Variants in PGLYRP4 observed in about 807,000 individuals in gnomAD.
PGLYRP4 encodes the protein PGRP-I-beta.
In PGLYRP4, 39 loss-of-function variants were observed where a neutral mutation model predicts 41.2. The ratio of observed to expected loss-of-function variants is 0.95; its 90% confidence interval spans 0.73 to 1.24. The LOEUF (loss-of-function observed/expected upper bound fraction) is 1.24, where lower values mean the gene tolerates loss of function less well. Among genes scored for constraint, PGLYRP4 ranks in the 50% most tolerant of loss-of-function variants. PGLYRP4 has a pLI of 0.00. For missense variants in PGLYRP4, 467 were observed against 460.7 expected, an observed-to-expected ratio of 1.01 and a Z score of -0.13; for synonymous variants, 202 against 186.8, an observed-to-expected ratio of 1.08 and a Z score of -0.66.
At position 153,330,878 on chromosome 1, in the gene PGLYRP4, C is replaced by T; in HGVS notation, c.1011G>A (p.Gly337=). The change falls in exon 9 of 9, where the codon GGG becomes GGA. Residue 337 remains glycine, a synonymous_variant. Transcript: ENST00000359650. ...QDLIQCAMVK[G]YLTPNYLLVG... ...CCAGCAGGTAGTTGGGAGTCAGGTA[C>T]CCTTTGACCATGGCACACTGGATCA... 1.2e-6 allele frequency: 2 copies of T among 1,614,062 alleles called. No homozygotes were observed. The highest frequency in any genetic ancestry group is 8.5e-7 in the Non-Finnish European group (1 of 1,179,960).
At chr1:153,332,976 A>G (rs568638053) in intron 8 of PGLYRP4, among the ~76,000 whole-genome samples, 2 of 152,226 alleles carry the variant, frequency 1.3e-5, no homozygotes, top group Admixed American at 1.3e-4. Flanking sequence ...AAGAAAATAG[A>G]AAATCTAGAA....
At chr1:153,344,140 A>G (rs1470860176) in intron 4 of PGLYRP4, among the ~76,000 whole-genome samples, 2 of 151,594 alleles carry the variant, frequency 1.3e-5, no homozygotes, top group Non-Finnish European at 2.9e-5. Context: ...AACCTTAAAA[A>G]CTCTTAGTCT....
chr1:153,340,439 C>T lies in PGLYRP4; in HGVS notation c.766G>A (p.Val256Ile). Residue 256 changes from valine to isoleucine, a missense_variant, in exon 7 of 9, where the codon GTC becomes ATC. Physicochemically the swap from Val to Ile is conservative, Grantham distance 29. Transcript: ENST00000359650. ...ATGTAGAAAGACTGGATGTCCCGGA[C>T]CAGCAGGCGGCACTCATCAGAAATG... ...CNISDECRLL[V>I]RDIQSFYIDR... The T allele has an allele frequency of 6.2e-7, 1 of 1,614,200 alleles. No homozygotes were observed. Among genetic ancestry groups the T allele is most frequent in the East Asian group, 2.2e-5 (1 of 44,886 alleles).
At position 153,341,561 on chromosome 1, in the gene PGLYRP4, T is replaced by C. The variant is rs1042530753; in HGVS notation, c.625+66A>G. 30 of 1,402,886 alleles carry C rather than the reference T, an allele frequency of 2.1e-5. No homozygotes were observed. The South Asian group carries it at 2.7e-4, about 13-fold the overall frequency. 86.9% of individuals were successfully genotyped at this position (1,402,886 alleles called of 1,614,324 possible). On this transcript the variant is annotated intron_variant, in intron 6 of 8. Transcript: ENST00000359650. ...GCCCTACTGAAAAGGTCACTCCCAA[T>C]GGTATTTGCGAGTTAGTTGGGGTGA...
At position 153,340,368 on chromosome 1, in the gene PGLYRP4, C is replaced by T; in HGVS notation, c.824+13G>A. On this transcript the variant is annotated intron_variant, in intron 7 of 8. Coordinates refer to ENST00000359650, the MANE Select transcript of PGLYRP4 (RefSeq NM_020393.4). Reference sequence around the variant, plus strand: ...CAAGGGAAAAGAAGCCCAGTGTACCCAGACCCACTCACTTATAACCAATGT... The same window carrying T: ...CAAGGGAAAAGAAGCCCAGTGTACCTAGACCCACTCACTTATAACCAATGT... 6.2e-7 allele frequency: 1 copy of T among 1,612,610 alleles called. No individual in the cohort carries two copies. Among genetic ancestry groups the T allele is most frequent in the Non-Finnish European group, 8.5e-7 (1 of 1,178,680 alleles).
intron 8 of PGLYRP4, among the ~76,000 whole-genome samples, chr1:153,336,369 C>CAAAAAAAAAAAAAAAAAAAAAA (rs58665160): frequency 6.5e-5 from 5 of 76,500 alleles, no homozygotes; most frequent in African/African-American, 1.1e-4. Context: ...GACTCCATCT[C>CAAAAAAAAAAAAAAAAAAAAAA]AAAAAAAAAA....
Position 153,334,027 on chromosome 1 carries a change from C to G in PGLYRP4, c.944-3082G>C, listed in dbSNP as rs117486152. 1.8e-3 allele frequency among the ~76,000 whole-genome samples: 281 copies of G among 152,152 alleles called. 9 individuals are homozygous for G. The East Asian group carries it at 0.041, about 22-fold the overall frequency. The stretch of plus-strand genomic sequence containing the variant: ...GACAAAGATGCCCACTTTCACCACT[C>G]CTATTCAACACAGTATTGAAGAAAA... On this transcript the variant is annotated intron_variant, in intron 8 of 8. Transcript: ENST00000359650.
chr1:153,334,340 T>C, intron 8 of PGLYRP4, among the ~76,000 whole-genome samples: 1 of 151,064 alleles, frequency 6.6e-6, no homozygotes, highest in South Asian at 2.1e-4. Context: ...ATACACCTGT[T>C]ATATATAGGT....
At chr1:153,344,872 G>A (rs1197763050) in intron 4 of PGLYRP4, among the ~76,000 whole-genome samples, 1 of 152,124 alleles carries the variant, frequency 6.6e-6, no homozygotes, top group African/African-American at 2.4e-5. Flanking sequence ...AAGCCCTCAT[G>A]TATGAGGAAG....
In PGLYRP4 at chr1:153,345,242, C is replaced by T. The variant is rs762332871; in HGVS notation, c.280G>A (p.Val94Ile). The T allele has an allele frequency of 2.0e-5, 32 of 1,614,048 alleles. No individual in the cohort carries two copies. In the Middle Eastern group the frequency reaches 8.2e-4, roughly 41 times the overall value. The change falls in exon 4 of 9, where the codon GTC (valine) becomes ATC (isoleucine). Residue 94 changes from valine to isoleucine, a missense_variant. By Grantham distance (29) the Val-to-Ile change is conservative (BLOSUM62 3). Coordinates refer to ENST00000359650, the MANE Select transcript of PGLYRP4 (RefSeq NM_020393.4). ...AGTTCCCGCAGTCTCTGGCTGCAGA[C>T]TGTCTGGTCGTGACACTCCAGTCCA... Reference protein sequence around the residue: ...VPGLECHDQTVCSQRLRELQA... With the variant: ...VPGLECHDQTICSQRLRELQA...
intron 2 of PGLYRP4, among the ~76,000 whole-genome samples, chr1:153,346,662 G>C (rs768272374): frequency 1.3e-5 from 2 of 152,220 alleles, no homozygotes; most frequent in Non-Finnish European, 2.9e-5. Flanking sequence ...CCTGTCTGAA[G>C]GCCCATGGGG....
chr1:153,343,183 C>A lies in PGLYRP4; in HGVS notation c.379G>T (p.Val127Leu), dbSNP rs768850513. ...YNFLVGDDGR[V>L]YEGVGWNIQG... ...ATATTCCAGCCAACACCTTCATACA[C>A]CCTGCCATCATCCCCAACCAGGAAG... The change falls in exon 5 of 9, where the codon GTG becomes TTG. Residue 127 changes from valine (V) to leucine (L), a missense_variant. By Grantham distance (32) the Val-to-Leu change is conservative. Transcript: ENST00000359650. 3 of 1,613,562 alleles carry A rather than the reference C, an allele frequency of 1.9e-6. No homozygotes were observed. The highest frequency in any genetic ancestry group is 1.7e-6 in the Non-Finnish European group (2 of 1,179,490).
At chr1:153,344,703 A>G (rs1194267494) in intron 4 of PGLYRP4, among the ~76,000 whole-genome samples, 4 of 152,296 alleles carry the variant, frequency 2.6e-5, no homozygotes, top group African/African-American at 9.6e-5. Context: ...GCTGGAGCCC[A>G]TGTGTGTGGT....
chr1:153,346,099 T>C lies in PGLYRP4; in HGVS notation c.139+3A>G. 1 of 1,605,280 alleles carries C rather than the reference T, an allele frequency of 6.2e-7. No homozygotes were observed. The highest frequency in any genetic ancestry group is 1.7e-5 in the Admixed American group (1 of 60,018). Reference sequence around the variant, plus strand: ...ACCCCCTTACTATCCAGATCCAGTTTACCTTTTTCAGTGAGCTGGGAGATG... The same window carrying C: ...ACCCCCTTACTATCCAGATCCAGTTCACCTTTTTCAGTGAGCTGGGAGATG... On this transcript the variant is annotated splice_donor_region_variant and intron_variant, in intron 3 of 8. Coordinates refer to ENST00000359650, the MANE Select transcript of PGLYRP4 (RefSeq NM_020393.4).
At chr1:153,336,092 G>T (rs915097326) in intron 8 of PGLYRP4, among the ~76,000 whole-genome samples, 3 of 151,714 alleles carry the variant, frequency 2.0e-5, no homozygotes, top group African/African-American at 7.3e-5. Context: ...ATACTATTCA[G>T]CCATCAAAAA....
At position 153,340,531 on chromosome 1, in the gene PGLYRP4, T is replaced by G; in HGVS notation, c.674A>C (p.His225Pro). The G allele has an allele frequency of 6.2e-7, 1 of 1,614,128 alleles. No individual in the cohort carries two copies. The highest frequency in any genetic ancestry group is 8.5e-7 in the Non-Finnish European group (1 of 1,180,002). ...CGCTGGGAGAGTCATCCTGGGACAG[T>G]GGGTCTCCCTGGCTCCCCACACAGA... is the stretch of plus-strand genomic sequence containing the variant. ...PRSVWGARET[H>P]CPRMTLPAKY... The change falls in exon 7 of 9, where the codon CAC (histidine) becomes CCC (proline). Residue 225 changes from histidine to proline, a missense_variant. By Grantham distance (77) the His-to-Pro change is moderately conservative. Transcript: ENST00000359650.
intron 8 of PGLYRP4, among the ~76,000 whole-genome samples, chr1:153,336,333 G>A (rs1195612531): frequency 1.6e-5 from 2 of 125,092 alleles, no homozygotes; most frequent in African/African-American, 6.2e-5. Flanking sequence ...ACTGCACATT[G>A]TGTTCCAGCC....
intron 3 of PGLYRP4, 79 bp from the exon 4 acceptor site, chr1:153,345,461 G>T: frequency 7.6e-7 from 1 of 1,318,468 alleles, no homozygotes; most frequent in Non-Finnish European, 1.1e-6. Context: ...CATGGGCTGT[G>T]TCGGCCCCTT....
chr1:153,337,223 C>T lies in PGLYRP4; in HGVS notation c.901G>A (p.Asp301Asn), dbSNP rs35347202. The T allele has an allele frequency of 3.0e-3, 4,786 of 1,613,844 alleles. 121 individuals carry two copies. In the African/African-American group the frequency reaches 0.055, roughly 19 times the overall value. The change falls in exon 8 of 9, where the codon GAT becomes AAT. Residue 301 changes from aspartate (D) to asparagine (N), a missense_variant. Asp to Asn is a conservative substitution (Grantham distance 23, BLOSUM62 1). Coordinates refer to ENST00000359650, the MANE Select transcript of PGLYRP4 (RefSeq NM_020393.4). The part of the protein sequence containing the change: ...NVQGSSTPGY[D>N]DIALGITFMG... ...AAGGTAATGCCCAGGGCAATGTCAT[C>T]GTAGCCAGGGGTGGAGGAGCCTTGG...
Sources: allele counts gnomAD v4.1 joint callset (sites outside exome capture counted in the v4.1 genomes callset), GRCh38; gene constraint gnomAD v4.1.1; transcripts MANE v1.5; gene names NCBI Gene and HGNC (gene_info 2026-07-23, HGNC 2026-07-21).